Variants in IQCM observed in about 807,000 individuals in gnomAD.
The protein encoded by IQCM is IQ domain-containing protein M.
In IQCM, 45 loss-of-function variants were observed where a neutral mutation model predicts 57.6. That is an observed-to-expected ratio of 0.78 (90% CI 0.62 to 1.00). IQCM has a LOEUF of 1.00. IQCM is among the 50% of genes least tolerant of loss of function. The pLI is 0.00. For missense variants in IQCM, 468 were observed against 511.6 expected (o/e 0.91, Z 0.82); for synonymous variants, 148 against 158.9 (o/e 0.93, Z 0.51).
chr4:149,606,239 C>CAG (rs1214229246), intron 8 of IQCM, among the ~76,000 whole-genome samples: 1 of 152,110 alleles, frequency 6.6e-6, no homozygotes, highest in Non-Finnish European at 1.5e-5. Flanking sequence ...CAGCCCAGTA[C>CAG]AGAGAGAGAC....
chr4:149,544,000 T>G (rs1748131640), intron 12 of IQCM, among the ~76,000 whole-genome samples: 1 of 152,116 alleles, frequency 6.6e-6, no homozygotes, highest in African/African-American at 2.4e-5. Context: ...TGTTTAAATT[T>G]GCACTAAGAA....
intron 13 of IQCM, among the ~76,000 whole-genome samples, chr4:149,388,743 A>T (rs373571256): frequency 2.5e-3 from 367 of 144,986 alleles, no homozygotes; most frequent in East Asian, 0.017. Flanking sequence ...TATATATATG[A>T]CATATATAAT....
In IQCM at chr4:149,600,269, G is replaced by A. The variant is rs184546424; in HGVS notation, c.682-12272C>T. On this transcript the variant is annotated intron_variant, in intron 8 of 13. Transcript: ENST00000636793. Reference sequence around the variant, plus strand: ...ATCTAACAATTAGAGTCTGCCTTGTGCTTTATGTGTATTATCTTCAATCTT... The same window carrying A: ...ATCTAACAATTAGAGTCTGCCTTGTACTTTATGTGTATTATCTTCAATCTT... 5.9e-4 allele frequency among the ~76,000 whole-genome samples: 90 copies of A among 152,200 alleles called. 3 individuals carry two copies. The highest frequency in any genetic ancestry group is 2.0e-3 in the African/African-American group (84 of 41,540).
intron 8 of IQCM, among the ~76,000 whole-genome samples, chr4:149,618,260 C>CCT (rs1475086085): frequency 6.6e-6 from 1 of 151,978 alleles, no homozygotes; most frequent in Non-Finnish European, 1.5e-5. Context: ...AAAAGGACAC[C>CCT]CTATTCAAGA....
chr4:149,650,211 A>G (rs1404411716), intron 7 of IQCM, among the ~76,000 whole-genome samples: 1 of 117,454 alleles, frequency 8.5e-6, no homozygotes, highest in Non-Finnish European at 1.8e-5. Flanking sequence ...TGTCCTTATA[A>G]CAAGAGGAGA....
At chr4:149,428,425 G>A (rs949880537) in intron 13 of IQCM, among the ~76,000 whole-genome samples, 1 of 151,784 alleles carries the variant, frequency 6.6e-6, no homozygotes, top group Non-Finnish European at 1.5e-5. Flanking sequence ...AAAATGTTCA[G>A]AGAGAAGTGC....
chr4:149,735,295 G>T, intron 4 of IQCM, 81 bp downstream of exon 4: 1 of 564,408 alleles, frequency 1.8e-6, no homozygotes, highest in Non-Finnish European at 2.6e-6. Flanking sequence ...CATATCTTAG[G>T]GTTTATGCAA....
At chr4:149,358,623 TA>T (rs1312917669) in intron 13 of IQCM, among the ~76,000 whole-genome samples, 1 of 152,068 alleles carries the variant, frequency 6.6e-6, no homozygotes, top group Non-Finnish European at 1.5e-5. Context: ...GTCCTTTTGA[TA>T]AAAACAAGTC....
At chr4:149,354,106 T>C (rs1728758682) in intron 13 of IQCM, among the ~76,000 whole-genome samples, 1 of 151,992 alleles carries the variant, frequency 6.6e-6, no homozygotes, top group South Asian at 2.1e-4. Flanking sequence ...GGCTCACGCC[T>C]GTAATCCCAG....
At chr4:149,748,743 T>A (rs984384914) in intron 2 of IQCM, 2 of 152,136 alleles carry the variant, frequency 1.3e-5, no homozygotes, top group African/African-American at 4.8e-5. Flanking sequence ...TTCATAGTGG[T>A]TAGGTGGAGT....
chr4:149,581,572 T>C (rs1407030600), intron 9 of IQCM, among the ~76,000 whole-genome samples: 1 of 151,524 alleles, frequency 6.6e-6, no homozygotes, highest in Non-Finnish European at 1.5e-5. Flanking sequence ...TTCTCGGGGT[T>C]TGTCTCTTTT....
At chr4:149,665,403 C>T (rs1760626317) in intron 7 of IQCM, among the ~76,000 whole-genome samples, 1 of 152,150 alleles carries the variant, frequency 6.6e-6, no homozygotes, top group South Asian at 2.1e-4. Flanking sequence ...TTCCTTGACT[C>T]TGAGCCTGTC....
At chr4:149,542,254 T>G (rs540298293) in intron 12 of IQCM, among the ~76,000 whole-genome samples, 29 of 152,198 alleles carry the variant, frequency 1.9e-4, no homozygotes, top group African/African-American at 6.5e-4. Flanking sequence ...GCTTTTAAAT[T>G]AACTTTTCTT....
In IQCM at chr4:149,642,502, T is replaced by C. The variant is rs182554175; in HGVS notation, c.566-21258A>G. Among the ~76,000 whole-genome samples, 445 of 152,280 alleles carry C rather than the reference T, an allele frequency of 2.9e-3. 7 individuals carry two copies. The highest frequency in any genetic ancestry group is 0.01 in the African/African-American group (419 of 41,568). ...CAAAGTAACCAGGAATGACAAAAAG[T>C]ATTTTCCTCCTTCAGCAAATAAGAG... is the stretch of plus-strand genomic sequence containing the variant. On this transcript the variant is annotated intron_variant, in intron 7 of 13. Coordinates refer to ENST00000636793, the MANE Select transcript of IQCM (RefSeq NM_001363507.2).
At chr4:149,750,147 T>C (rs1768294264) in intron 2 of IQCM, among the ~76,000 whole-genome samples, 1 of 152,208 alleles carries the variant, frequency 6.6e-6, no homozygotes, top group East Asian at 1.9e-4. Context: ...TTTTTCCCTC[T>C]TGTTATCTTG....
intron 12 of IQCM, among the ~76,000 whole-genome samples, chr4:149,502,501 C>T (rs1467066168): frequency 1.3e-5 from 2 of 152,038 alleles, no homozygotes; most frequent in African/African-American, 4.8e-5. Flanking sequence ...GACCCTGTCT[C>T]TGCAAACAAA....
At chr4:149,760,486 G>A (rs1769400938) in intron 2 of IQCM, among the ~76,000 whole-genome samples, 1 of 152,050 alleles carries the variant, frequency 6.6e-6, no homozygotes, top group Admixed American at 6.6e-5. Context: ...CAGAAATCAA[G>A]GTAGTCATTA....
intron 3 of IQCM, among the ~76,000 whole-genome samples, chr4:149,736,792 A>G (rs1766984509): frequency 6.6e-6 from 1 of 152,200 alleles, no homozygotes; most frequent in African/African-American, 2.4e-5. Context: ...TCTCTTTTAA[A>G]GCTAAATATA....
chr4:149,573,371 T>C (rs1751344889), intron 9 of IQCM, among the ~76,000 whole-genome samples: 1 of 151,852 alleles, frequency 6.6e-6, no homozygotes. Flanking sequence ...CTTCAAGACC[T>C]TCCTTCAAAG....
Sources: gnomAD v4.1 joint callset for allele counts (sites outside exome capture counted in the v4.1 genomes callset) on GRCh38, gnomAD v4.1.1 for gene constraint, MANE v1.5 for transcripts, NCBI Gene and HGNC (gene_info 2026-07-23, HGNC 2026-07-21) for gene names.